EIF3A: variants seen among roughly 807,000 people sequenced by gnomAD.
The protein encoded by EIF3A is eukaryotic translation initiation factor 3 subunit A, also known as EIF3, p180 subunit.
Under a neutral mutation model 186.6 loss-of-function variants are expected in EIF3A, and 21 were observed. The ratio of observed to expected loss-of-function variants is 0.11; its 90% CI spans 0.08 to 0.16. EIF3A has a LOEUF of 0.16. Ranked by LOEUF, EIF3A falls within the 10% of genes least tolerant of loss-of-function variation. The pLI is 1.00. For synonymous variants in EIF3A, 563 were observed against 584.3 expected (o/e 0.96, Z 0.52); for missense variants, 1,306 against 1,796.3 (o/e 0.73, Z 4.93).
rs117595993 is a variant in EIF3A, at chr10:119,052,843, T to C, written c.2197-1522A>G. ...CCTCCCACGAATCACAAATGGCATC[T>C]GGAATAAAGAATTCCTTCCAGCAGG... is the stretch of plus-strand genomic sequence containing the variant. On this transcript the variant is annotated intron_variant, in intron 14 of 21. Coordinates refer to ENST00000369144, the MANE Select transcript of EIF3A (RefSeq NM_003750.4). Among the ~76,000 whole-genome samples the C allele has an allele frequency of 3.7e-3, 557 of 152,332 alleles. 4 individuals are homozygous for C. Among genetic ancestry groups the C allele is most frequent in the Non-Finnish European group, 5.2e-3 (355 of 68,018 alleles).
chr10:119,070,822 A>T, intron 5 of EIF3A, 64 bp downstream of exon 5: 2 of 1,157,128 alleles, frequency 1.7e-6, no homozygotes, highest in Non-Finnish European at 2.6e-6. Flanking sequence ...GCTATTCATT[A>T]AGGGGGGAGA....
rs1848117712 is a variant in EIF3A at position 119,035,646 on chromosome 10, T to C, written c.*393A>G. On this transcript the variant is annotated 3_prime_UTR_variant, in exon 22 of 22. Transcript: ENST00000369144. Reference sequence around the variant, plus strand: ...CACTGCTTTAAAGGGTCTTCAAATATATTTTAACAGAACCTTACTTCATTC... The same window carrying C: ...CACTGCTTTAAAGGGTCTTCAAATACATTTTAACAGAACCTTACTTCATTC... 6.0e-6 allele frequency: 1 copy of C among 166,434 alleles called. No homozygotes were observed. The highest frequency in any genetic ancestry group is 1.3e-5 in the Non-Finnish European group (1 of 76,360). 10.3% of individuals were successfully genotyped at this position (166,434 alleles called of 1,614,324 possible). A position where few individuals can be genotyped will look rare whatever the true frequency, so the allele number is the denominator to read the frequency against.
At chr10:119,070,727 A>T (rs1373147231) in intron 5 of EIF3A, among the ~76,000 whole-genome samples, 159 bp downstream of exon 5, 1 of 152,228 alleles carries the variant, frequency 6.6e-6, no homozygotes, top group Non-Finnish European at 1.5e-5. Flanking sequence ...ATATTCTGAG[A>T]TTTCTTGTTC....
chr10:119,075,977 C>G (rs1408426565), intron 1 of EIF3A, among the ~76,000 whole-genome samples: 46 of 142,888 alleles, frequency 3.2e-4, no homozygotes, highest in African/African-American at 1.1e-3. Context: ...CTGCCCACCT[C>G]GGCCTCCCAA....
intron 19 of EIF3A, among the ~76,000 whole-genome samples, chr10:119,040,689 G>A (rs1848195874): frequency 6.6e-6 from 1 of 152,018 alleles, no homozygotes; most frequent in Admixed American, 6.6e-5. Flanking sequence ...TGGCCAACAT[G>A]GTGAAACCCC....
intron 14 of EIF3A, among the ~76,000 whole-genome samples, chr10:119,052,368 T>TTGTGTGTGTGTGTGTG (rs61029991): frequency 0.014 from 1,758 of 123,026 alleles, 97 homozygotes; most frequent in African/African-American, 0.046. Context: ...TTTTTTGGTT[T>TTGTGTGTGTGTGTGTG]TGTGTGTGTG....
At position 119,042,182 on chromosome 10, in the gene EIF3A, A is replaced by C. The variant is rs143496426; in HGVS notation, c.3338T>G (p.Leu1113Trp). ...MDDDRGPRRG[L>W]DDDRGPWRNA... is the part of the protein sequence containing the mutation. ...CCTCCAAGGTCCTCGATCATCATCCAACCCTCGCCTGGGACCCCGGTCATC... is the reference window on the plus strand; with the variant it reads ...CCTCCAAGGTCCTCGATCATCATCCCACCCTCGCCTGGGACCCCGGTCATC... The change falls in exon 19 of 22, where the codon TTG becomes TGG. Residue 1113 changes from leucine to tryptophan, a missense_variant. Around this residue, in one of 8 missense-constraint regions of EIF3A, gnomAD observed 27 missense variants for 64.8 expected, o/e 0.42. Transcript: ENST00000369144. This position sits in a 1 kb window ranked among gnomAD's most constrained non-coding sequence, Gnocchi z 7.8. 6.2e-7 allele frequency: 1 copy of C among 1,613,034 alleles called. No homozygotes were observed. Among genetic ancestry groups the C allele is most frequent in the African/African-American group, 1.3e-5 (1 of 74,576 alleles).
rs1204854390 is a variant in EIF3A at position 119,033,810 on chromosome 10, AC to A, written c.*2228del. ...ACTCAAGGAACAGTCCTTTCATAGT[AC>A]CCCAAGTATTTCAATTAGACTTATA... On this transcript the variant is annotated 3_prime_UTR_variant, in exon 22 of 22. Coordinates refer to ENST00000369144, the MANE Select transcript of EIF3A (RefSeq NM_003750.4). 6.0e-6 allele frequency: 1 copy of A among 166,716 alleles called. No homozygotes were observed. Among genetic ancestry groups the A allele is most frequent in the African/African-American group, 2.4e-5 (1 of 41,324 alleles). 10.3% of individuals were successfully genotyped at this position (166,716 alleles called of 1,614,324 possible).
rs550647605 is a variant in EIF3A at position 119,080,816 on chromosome 10, G to A, written c.-140C>T. ...GCGCCCAGCCGGCCAGAGACGGAAA[G>A]GAAGGAGCCACGTGACCTCCCCGCG... On this transcript the variant is annotated 5_prime_UTR_variant, in exon 1 of 22. Transcript: ENST00000369144. The A allele has an allele frequency of 3.9e-4, 557 of 1,415,156 alleles. 3 individuals are homozygous for A. The South Asian group carries it at 7.4e-3, about 19-fold the overall frequency. 87.7% of individuals were successfully genotyped at this position (1,415,156 alleles called of 1,614,324 possible). A position where few individuals can be genotyped will look rare whatever the true frequency, so the allele number is the denominator to read the frequency against.
chr10:119,037,040 A>C, intron 21 of EIF3A, 79 bp downstream of exon 21: 1 of 987,280 alleles, frequency 1.0e-6, no homozygotes, highest in Non-Finnish European at 1.5e-6. Context: ...CAAATTTATG[A>C]TATAATTAAA....
chr10:119,041,610 C>T (rs990181595), intron 19 of EIF3A, among the ~76,000 whole-genome samples: 3 of 152,176 alleles, frequency 2.0e-5, no homozygotes, highest in Non-Finnish European at 2.9e-5. Flanking sequence ...CTTGCATAAT[C>T]TCTCAGTTGG....
At position 119,038,295 on chromosome 10, in the gene EIF3A, T is replaced by C; in HGVS notation, c.3671A>G (p.Glu1224Gly). ...ATCTCTCTCTCTGTCCCTTTCTCTC[T>C]CAGGGTCCTTGTCATTCTCCTCCCG... ...QDREENDKDPERERDRERDVD... is the reference protein window; with the variant it reads ...QDREENDKDPGRERDRERDVD... The change falls in exon 20 of 22, where the codon GAG becomes GGG. Residue 1224 changes from glutamate (E) to glycine (G), a missense_variant. Physicochemically the swap from Glu to Gly is moderately conservative, Grantham distance 98. Transcript: ENST00000369144. The C allele has an allele frequency of 5.6e-6, 9 of 1,614,140 alleles. No individual in the cohort carries two copies. The highest frequency in any genetic ancestry group is 5.9e-6 in the Non-Finnish European group (7 of 1,180,026).
Position 119,080,726 on chromosome 10 carries a change from C to T in EIF3A, c.-50G>A, listed in dbSNP as rs1844252030. 1.9e-6 allele frequency: 3 copies of T among 1,557,266 alleles called. No homozygotes were observed. Among genetic ancestry groups the T allele is most frequent in the Middle Eastern group, 1.7e-4 (1 of 5,940 alleles). Reference sequence around the variant, plus strand: ...GGCGTCAGCGAACTCTCTAGTGGCCCGGGCCGGGAGAGGAGACGAAGGGGA... The same window carrying T: ...GGCGTCAGCGAACTCTCTAGTGGCCTGGGCCGGGAGAGGAGACGAAGGGGA... On this transcript the variant is annotated 5_prime_UTR_variant, in exon 1 of 22. Transcript: ENST00000369144.
chr10:119,059,809 T>A (rs1364221551), intron 9 of EIF3A, 91 bp from the exon 10 acceptor site: 1 of 862,136 alleles, frequency 1.2e-6, no homozygotes, highest in African/African-American at 1.7e-5. Flanking sequence ...GAAGTAGAAA[T>A]TATGCCAGAG....
Position 119,061,235 on chromosome 10 carries a change from G to A in EIF3A, c.1216C>T (p.Arg406Ter). 6.4e-7 allele frequency: 1 copy of A among 1,552,952 alleles called. No homozygotes were observed. The highest frequency in any genetic ancestry group is 8.8e-7 in the Non-Finnish European group (1 of 1,136,994). ...ATACAAAGGCTTACCTTTGTGACTC[G>A]CTCACAGAGTTTTAATGGGTTAAAT... ...VEFNPLKLCE[R>*]VTKVLNWVRE... Residue 406 changes from arginine (R) to a stop codon, truncating the protein, a stop_gained, in exon 8 of 22, where the codon CGA (arginine) becomes TGA (stop). Coordinates refer to ENST00000369144, the MANE Select transcript of EIF3A (RefSeq NM_003750.4). LOFTEE classifies it high-confidence loss of function.
intron 14 of EIF3A, among the ~76,000 whole-genome samples, chr10:119,054,984 C>T (rs1848405239): frequency 6.6e-6 from 1 of 151,964 alleles, no homozygotes; most frequent in South Asian, 2.1e-4. Flanking sequence ...CTGAGGCGAA[C>T]AGAACACTTG....
chr10:119,075,479 G>T (rs1268668894), intron 1 of EIF3A, among the ~76,000 whole-genome samples: 1 of 150,996 alleles, frequency 6.6e-6, no homozygotes, highest in Non-Finnish European at 1.5e-5. Context: ...TAGACTGGGG[G>T]AGAAAGAGGT....
intron 15 of EIF3A, 101 bp from the exon 16 acceptor site, chr10:119,050,775 A>G (rs1848346218): frequency 7.6e-7 from 1 of 1,308,662 alleles, no homozygotes; most frequent in African/African-American, 1.5e-5. Context: ...CAAGTGTATC[A>G]GAATCATCGA....
intron 7 of EIF3A, among the ~76,000 whole-genome samples, chr10:119,065,162 G>C (rs1272671407): frequency 1.3e-5 from 2 of 152,060 alleles, no homozygotes; most frequent in Admixed American, 1.3e-4. Context: ...CTGGCCCACG[G>C]TATTCCCCAG....
Sources: gnomAD v4.1 joint callset for allele counts (sites outside exome capture counted in the v4.1 genomes callset) on GRCh38, gnomAD v4.1.1 for gene constraint, gnomAD v4.1.1 regional missense constraint, Gnocchi (gnomAD v3.1) non-coding constraint, MANE v1.5 for transcripts, NCBI Gene and HGNC (gene_info 2026-07-23, HGNC 2026-07-21) for gene names.